Variants in TRDN observed in about 807,000 individuals in gnomAD.
TRDN encodes the protein triadin in skeletal muscle.
In TRDN, 161 loss-of-function variants were observed where a neutral mutation model predicts 149.7. The ratio of observed to expected loss-of-function variants is 1.08; its 90% CI spans 0.95 to 1.23. The LOEUF (loss-of-function observed/expected upper bound fraction) is 1.23. TRDN is among the 50% of genes most tolerant of loss of function. The pLI, the probability that TRDN is intolerant of heterozygous loss-of-function variation, is 0.00. For missense variants in TRDN, 896 were observed against 823.5 expected (o/e 1.09, Z -1.08); for synonymous variants, 294 against 250.5 (o/e 1.17, Z -1.64).
intron 9 of TRDN, among the ~76,000 whole-genome samples, chr6:123,491,561 C>G (rs1057210035): frequency 6.6e-6 from 1 of 152,028 alleles, no homozygotes; most frequent in Non-Finnish European, 1.5e-5. Context: ...ATAATTAAAA[C>G]TCCAAGAGGT....
At chr6:123,546,810 C>T (rs1781134927) in intron 4 of TRDN, among the ~76,000 whole-genome samples, 1 of 152,054 alleles carries the variant, frequency 6.6e-6, no homozygotes, top group African/African-American at 2.4e-5. Context: ...CATCCAGGCA[C>T]ATCCAGGTAA....
chr6:123,370,706 A>G (rs2114376199), intron 19 of TRDN, among the ~76,000 whole-genome samples: 1 of 152,294 alleles, frequency 6.6e-6, no homozygotes, highest in Non-Finnish European at 1.5e-5. Flanking sequence ...TATCACTACC[A>G]TCACCAGAAT....
intron 30 of TRDN, 37 bp downstream of exon 30, chr6:123,271,102 A>C (rs1777191824): frequency 5.2e-6 from 7 of 1,350,458 alleles, no homozygotes; most frequent in Non-Finnish European, 7.1e-6. Flanking sequence ...ATAACATATA[A>C]TGAGACATAG....
intron 1 of TRDN, among the ~76,000 whole-genome samples, chr6:123,631,511 A>G (rs189725532): frequency 3.3e-5 from 5 of 150,090 alleles, no homozygotes; most frequent in East Asian, 2.8e-4. Context: ...TTTTACAAAC[A>G]TAAGTATATT....
intron 36 of TRDN, 143 bp downstream of exon 36, chr6:123,255,724 A>G: frequency 2.6e-6 from 1 of 389,148 alleles, no homozygotes; most frequent in African/African-American, 2.1e-5. Flanking sequence ...TTTTTTACTT[A>G]CCATATTTCT....
intron 9 of TRDN, among the ~76,000 whole-genome samples, chr6:123,492,047 T>C (rs1778246089): frequency 6.6e-6 from 1 of 152,198 alleles, no homozygotes; most frequent in South Asian, 2.1e-4. Context: ...GAGTACTAAC[T>C]TATTCCTTGA....
chr6:123,393,529 G>C (rs987161552), intron 13 of TRDN, 95 bp downstream of exon 13: 2 of 1,075,084 alleles, frequency 1.9e-6, no homozygotes, highest in African/African-American at 1.6e-5. Flanking sequence ...CCAGCAGATG[G>C]TGCTATTCTG....
At chr6:123,548,235 A>G (rs972973268) in intron 3 of TRDN, among the ~76,000 whole-genome samples, 1 of 152,044 alleles carries the variant, frequency 6.6e-6, no homozygotes, top group Non-Finnish European at 1.5e-5. Context: ...TAATTTTGAC[A>G]TCTTTGCCAT....
chr6:123,524,351 T>C (rs959257441), intron 5 of TRDN, among the ~76,000 whole-genome samples: 2 of 151,226 alleles, frequency 1.3e-5, no homozygotes, highest in Non-Finnish European at 3.0e-5. Flanking sequence ...TTATATTCTA[T>C]ACTTTCAGCC....
intron 5 of TRDN, among the ~76,000 whole-genome samples, chr6:123,518,480 G>A (rs1006292878): frequency 1.3e-5 from 2 of 152,108 alleles, no homozygotes; most frequent in African/African-American, 4.8e-5. Flanking sequence ...ACCCACAGGG[G>A]AACACCTAAT....
chr6:123,489,171 TCA>T (rs1398134839), intron 9 of TRDN, among the ~76,000 whole-genome samples: 1 of 152,154 alleles, frequency 6.6e-6, no homozygotes, highest in Non-Finnish European at 1.5e-5. Context: ...CTTTGGTCTT[TCA>T]CACTACGAGT....
intron 1 of TRDN, among the ~76,000 whole-genome samples, chr6:123,626,947 A>G (rs1304845306): frequency 6.7e-6 from 1 of 150,078 alleles, no homozygotes; most frequent in African/African-American, 2.5e-5. Context: ...TTATTTTTTG[A>G]GACAGAGTTT....
chr6:123,507,605 A>G (rs1258051148), intron 7 of TRDN, among the ~76,000 whole-genome samples: 2 of 152,186 alleles, frequency 1.3e-5, no homozygotes, highest in Admixed American at 6.6e-5. Context: ...ATTTTGTGCC[A>G]AAATATTTTT....
intron 12 of TRDN, among the ~76,000 whole-genome samples, chr6:123,437,212 T>C (rs1181749445): frequency 6.6e-6 from 1 of 152,024 alleles, no homozygotes; most frequent in African/African-American, 2.4e-5. Context: ...TATGTATCTC[T>C]TCTCAAGTTC....
At chr6:123,314,213 C>A (rs9388221) in intron 24 of TRDN, among the ~76,000 whole-genome samples, 6 of 151,988 alleles carry the variant, frequency 3.9e-5, no homozygotes, top group Admixed American at 3.3e-4. Context: ...CTTTTCAATA[C>A]AAGACATACA....
chr6:123,324,376 A>G (rs1332880268), intron 23 of TRDN, among the ~76,000 whole-genome samples: 1 of 152,144 alleles, frequency 6.6e-6, no homozygotes, highest in East Asian at 1.9e-4. Flanking sequence ...GGTACTCAGG[A>G]GGCTGAGGCA....
intron 9 of TRDN, among the ~76,000 whole-genome samples, chr6:123,480,319 C>T (rs1002348595): frequency 2.6e-5 from 4 of 151,226 alleles, no homozygotes; most frequent in Non-Finnish European, 4.4e-5. Flanking sequence ...AAGCTAAAAT[C>T]TCACGCTTAA....
At chr6:123,282,159 C>A (rs1343704885) in intron 24 of TRDN, among the ~76,000 whole-genome samples, 1 of 151,900 alleles carries the variant, frequency 6.6e-6, no homozygotes, top group Non-Finnish European at 1.5e-5. Flanking sequence ...GGGAGTGATG[C>A]ATCTACAGGC....
At chr6:123,405,379 T>A (rs995216888) in intron 12 of TRDN, among the ~76,000 whole-genome samples, 1 of 152,256 alleles carries the variant, frequency 6.6e-6, no homozygotes, top group Non-Finnish European at 1.5e-5. Context: ...AGTTAGCCCA[T>A]CTCCATCATC....
Sources: allele counts gnomAD v4.1 joint callset (sites outside exome capture counted in the v4.1 genomes callset), GRCh38; gene constraint gnomAD v4.1.1; transcripts MANE v1.5; gene names NCBI Gene and HGNC (gene_info 2026-07-23, HGNC 2026-07-21).